PPFIA1: variants seen among roughly 807,000 people sequenced by gnomAD.
PPFIA1 encodes PPFI scaffold protein A1, also known as liprin-alpha-1.
In PPFIA1, 25 loss-of-function variants were observed where a neutral mutation model predicts 149.9. The observed-to-expected ratio is 0.17, with a 90% CI of 0.12 to 0.23. PPFIA1 has a LOEUF of 0.23. Ranked by LOEUF, PPFIA1 falls within the 10% of genes least tolerant of loss-of-function variation. The pLI is 1.00. For missense variants in PPFIA1, 1,362 were observed against 1,506.5 expected, an observed-to-expected ratio of 0.90 and a Z score of 1.59; for synonymous variants, 549 against 552.8, an observed-to-expected ratio of 0.99 and a Z score of 0.10.
chr11:70,273,759 G>C (rs1260725492), intron 2 of PPFIA1, among the ~76,000 whole-genome samples: 1 of 152,070 alleles, frequency 6.6e-6, no homozygotes, highest in Non-Finnish European at 1.5e-5. Flanking sequence ...AAATTACCAA[G>C]TTTATTTATG....
At chr11:70,287,187 C>G (rs2051203927) in intron 2 of PPFIA1, among the ~76,000 whole-genome samples, 1 of 152,006 alleles carries the variant, frequency 6.6e-6, no homozygotes, top group Non-Finnish European at 1.5e-5. Context: ...AGCTGCCTTT[C>G]CTTTGCTCAG....
rs575863966 is a variant in PPFIA1, at chr11:70,312,381, A to G, written c.265-12021A>G. Among the ~76,000 whole-genome samples, 125 of 151,768 alleles carry G rather than the reference A, an allele frequency of 8.2e-4. 1 individual carries two copies. The highest frequency in any genetic ancestry group is 1.5e-3 in the Non-Finnish European group (99 of 67,896). The stretch of plus-strand genomic sequence containing the variant: ...CATTTTTGTATTTTTGGGAGGGACC[A>G]GGTTTCACCATGTTGCTTGGGTTGG... On this transcript the variant is annotated intron_variant, in intron 2 of 27. Coordinates refer to ENST00000253925, the MANE Select transcript of PPFIA1 (RefSeq NM_003626.5).
rs142177632 is a variant in PPFIA1, at chr11:70,309,154, G to A, written c.265-15248G>A. Reference sequence around the variant, plus strand: ...TACATTCTCAGTAATATTTCAGGTTGTTTTGAAACATACATGCTAACTTTT... The same window carrying A: ...TACATTCTCAGTAATATTTCAGGTTATTTTGAAACATACATGCTAACTTTT... On this transcript the variant is annotated intron_variant, in intron 2 of 27. Coordinates refer to ENST00000253925, the MANE Select transcript of PPFIA1 (RefSeq NM_003626.5). Among the ~76,000 whole-genome samples, 415 of 151,532 alleles carry A rather than the reference G, an allele frequency of 2.7e-3. 1 individual carries two copies. Among genetic ancestry groups the A allele is most frequent in the African/African-American group, 9.8e-3 (404 of 41,304 alleles).
chr11:70,296,130 C>T (rs1415985031), intron 2 of PPFIA1, among the ~76,000 whole-genome samples: 2 of 151,494 alleles, frequency 1.3e-5, no homozygotes, highest in African/African-American at 2.4e-5. Flanking sequence ...GGATGGCAGC[C>T]GGGAAGAGGT....
chr11:70,355,897 C>T, intron 18 of PPFIA1, 86 bp downstream of exon 18: 18 of 1,491,430 alleles, frequency 1.2e-5, no homozygotes, highest in Non-Finnish European at 1.5e-5. Context: ...CCACGCGGTG[C>T]TCCAGGAGCC....
chr11:70,328,488 A>T (rs1307487053), intron 7 of PPFIA1, among the ~76,000 whole-genome samples: 1 of 152,054 alleles, frequency 6.6e-6, no homozygotes, highest in Non-Finnish European at 1.5e-5. Context: ...ATTGATGGGC[A>T]TTTAGGTTGA....
At chr11:70,324,755 G>T in intron 3 of PPFIA1, 92 bp from the exon 4 acceptor site, 6 of 1,228,366 alleles carry the variant, frequency 4.9e-6, no homozygotes, top group Non-Finnish European at 5.7e-6. Context: ...CTTCATTTTA[G>T]TATGAGACTG....
At chr11:70,324,056 G>A (rs2054122027) in intron 2 of PPFIA1, among the ~76,000 whole-genome samples, 1 of 152,258 alleles carries the variant, frequency 6.6e-6, no homozygotes, top group Admixed American at 6.5e-5. Flanking sequence ...TCACATGTCT[G>A]TGAGTCATTT....
intron 2 of PPFIA1, chr11:70,283,852 G>A (rs2050926618): frequency 4.4e-6 from 2 of 453,024 alleles, no homozygotes; most frequent in African/African-American, 4.1e-5. Context: ...TCACAGCTAG[G>A]GCAGGGATGC....
intron 2 of PPFIA1, among the ~76,000 whole-genome samples, chr11:70,305,288 G>C (rs1463497282): frequency 6.6e-6 from 1 of 152,200 alleles, no homozygotes; most frequent in East Asian, 1.9e-4. Context: ...TAGAACTCTA[G>C]GTGGGAAATT....
intron 21 of PPFIA1, chr11:70,367,399 T>C: frequency 2.5e-6 from 1 of 396,060 alleles, no homozygotes; most frequent in East Asian, 7.3e-5. Flanking sequence ...TTAACAAAAT[T>C]AGTAAGAGTG....
At chr11:70,281,429 C>T (rs2050753482) in intron 2 of PPFIA1, among the ~76,000 whole-genome samples, 2 of 152,158 alleles carry the variant, frequency 1.3e-5, no homozygotes, top group Admixed American at 6.6e-5. Context: ...TTCCCAGGGC[C>T]CCTCTTTCTT....
At chr11:70,324,258 CCCT>C in intron 2 of PPFIA1, 141 bp from the exon 3 acceptor site, 1 of 570,882 alleles carries the variant, frequency 1.8e-6, no homozygotes, top group South Asian at 2.4e-5. Context: ...TCCATTGATG[CCCT>C]CTTTCTCTGG....
chr11:70,342,631 C>T (rs538050794), intron 14 of PPFIA1, among the ~76,000 whole-genome samples: 6 of 152,204 alleles, frequency 3.9e-5, no homozygotes, highest in African/African-American at 1.2e-4. Flanking sequence ...GATGTGGACA[C>T]GCAGGTTGGT....
intron 14 of PPFIA1, among the ~76,000 whole-genome samples, chr11:70,340,196 A>G (rs1249853594): frequency 6.6e-6 from 1 of 151,768 alleles, no homozygotes; most frequent in Non-Finnish European, 1.5e-5. Context: ...AGTCCCAGCT[A>G]CTCAGGAGGC....
intron 20 of PPFIA1, 38 bp downstream of exon 20, chr11:70,362,214 A>C: frequency 6.2e-7 from 1 of 1,612,650 alleles, no homozygotes; most frequent in East Asian, 2.2e-5. Context: ...CGTGGGTTAC[A>C]GTATGTGAAC....
In PPFIA1 at chr11:70,382,033, C is replaced by G; in HGVS notation, c.3551-55C>G. On this transcript the variant is annotated intron_variant, in intron 26 of 27. Coordinates refer to ENST00000253925, the MANE Select transcript of PPFIA1 (RefSeq NM_003626.5). ...TCTACTTGTGCCCTCATGTGATGTT[C>G]TAAGACTAACTGCACGCTGTGTTTG... 3.9e-6 allele frequency: 6 copies of G among 1,525,482 alleles called. No individual in the cohort carries two copies. The South Asian group carries it at 6.8e-5, about 17-fold the overall frequency. 94.5% of individuals were successfully genotyped at this position (1,525,482 alleles called of 1,614,324 possible). A position where few individuals can be genotyped will look rare whatever the true frequency, so the allele number is the denominator to read the frequency against.
At chr11:70,362,989 C>T (rs1285740870) in intron 21 of PPFIA1, 1 of 152,344 alleles carries the variant, frequency 6.6e-6, no homozygotes, top group Non-Finnish European at 1.5e-5. Context: ...ATTTTAAGGA[C>T]ACATTTTATA....
chr11:70,288,178 G>A (rs932862217), intron 2 of PPFIA1, among the ~76,000 whole-genome samples: 4 of 151,240 alleles, frequency 2.6e-5, no homozygotes, highest in Non-Finnish European at 5.9e-5. Context: ...GGTTCAAGCA[G>A]TTCTCTGCCT....
Sources: gnomAD v4.1 joint callset for allele counts (sites outside exome capture counted in the v4.1 genomes callset) on GRCh38, gnomAD v4.1.1 for gene constraint, MANE v1.5 for transcripts, NCBI Gene and HGNC (gene_info 2026-07-23, HGNC 2026-07-21) for gene names.